Variants in DCC observed in about 807,000 individuals in gnomAD.
DCC encodes the protein DCC netrin 1 receptor, also known as netrin receptor DCC.
DCC carries 58 observed loss-of-function variants against 172.5 expected under a neutral mutation model. That is an observed-to-expected ratio of 0.34 (90% CI 0.27 to 0.42). The LOEUF is 0.42. DCC is among the 10% of genes least tolerant of loss of function. DCC has a pLI of 1.00. For missense variants in DCC, 1,740 were observed against 1,791.0 expected (o/e 0.97, Z 0.51); for synonymous variants, 709 against 644.5 (o/e 1.10, Z -1.52).
chr18:53,005,452 C>T (rs1259024476), intron 5 of DCC, among the ~76,000 whole-genome samples: 3 of 152,114 alleles, frequency 2.0e-5, no homozygotes, highest in African/African-American at 4.8e-5. Flanking sequence ...AGAATCTTGT[C>T]GCTGAGCATG....
chr18:52,942,606 GAGAA>G (rs1339689142), intron 5 of DCC, among the ~76,000 whole-genome samples: 6 of 152,208 alleles, frequency 3.9e-5, no homozygotes, highest in African/African-American at 1.4e-4. Flanking sequence ...AGTGGCAAAA[GAGAA>G]AGAGAGATGC....
chr18:53,074,611 G>A (rs574389101), intron 7 of DCC, among the ~76,000 whole-genome samples: 2 of 152,162 alleles, frequency 1.3e-5, no homozygotes, highest in East Asian at 3.9e-4. Flanking sequence ...GAATAGTAAT[G>A]TATTTTTTTT....
chr18:52,817,883 AAG>A (rs1293281909), intron 2 of DCC, among the ~76,000 whole-genome samples: 1 of 152,178 alleles, frequency 6.6e-6, no homozygotes, highest in African/African-American at 2.4e-5. Context: ...GGAGACCAAA[AAG>A]AGAATGAGGG....
intron 5 of DCC, among the ~76,000 whole-genome samples, chr18:52,974,541 G>A (rs2041083624): frequency 6.6e-6 from 1 of 152,184 alleles, no homozygotes; most frequent in African/African-American, 2.4e-5. Flanking sequence ...TAAAAAAAGA[G>A]TGATTATTTT....
At chr18:53,217,621 A>G (rs2055874231) in intron 12 of DCC, among the ~76,000 whole-genome samples, 1 of 152,096 alleles carries the variant, frequency 6.6e-6, no homozygotes, top group Non-Finnish European at 1.5e-5. Flanking sequence ...GATGATCAAA[A>G]CACCACTTTT....
intron 3 of DCC, among the ~76,000 whole-genome samples, chr18:52,918,363 G>A (rs958376389): frequency 6.6e-6 from 1 of 152,074 alleles, no homozygotes; most frequent in Non-Finnish European, 1.5e-5. Flanking sequence ...AATCAATTTA[G>A]TCAACAAGAC....
chr18:53,174,739 C>A (rs1382388040), intron 8 of DCC, among the ~76,000 whole-genome samples: 1 of 147,016 alleles, frequency 6.8e-6, no homozygotes, highest in Non-Finnish European at 1.5e-5. Flanking sequence ...CCGAATTCTA[C>A]CAGAGGTACA....
intron 12 of DCC, among the ~76,000 whole-genome samples, chr18:53,290,462 G>C (rs1052100757): frequency 6.6e-6 from 1 of 152,084 alleles, no homozygotes; most frequent in Non-Finnish European, 1.5e-5. Flanking sequence ...ACTGTACATT[G>C]TAACAAATGA....
intron 13 of DCC, among the ~76,000 whole-genome samples, chr18:53,307,696 A>G (rs975585912): frequency 6.6e-6 from 1 of 151,678 alleles, no homozygotes; most frequent in African/African-American, 2.4e-5. Flanking sequence ...TAAAGATGAT[A>G]AAATGTTCAA....
At chr18:52,782,517 T>A (rs2037565722) in intron 2 of DCC, among the ~76,000 whole-genome samples, 1 of 151,468 alleles carries the variant, frequency 6.6e-6, no homozygotes, top group Non-Finnish European at 1.5e-5. Flanking sequence ...GTCCCAAATT[T>A]ATTCCTAAAC....
chr18:52,964,472 T>A (rs2040896143), intron 5 of DCC, among the ~76,000 whole-genome samples: 1 of 152,170 alleles, frequency 6.6e-6, no homozygotes, highest in Middle Eastern at 3.4e-3. Flanking sequence ...TTAATCTCAA[T>A]TTTTTTTAAA....
chr18:53,239,933 A>G (rs1254933863), intron 12 of DCC, among the ~76,000 whole-genome samples: 1 of 151,738 alleles, frequency 6.6e-6, no homozygotes, highest in Non-Finnish European at 1.5e-5. Flanking sequence ...ACAAGGGCAG[A>G]GCAACGAAGG....
intron 1 of DCC, among the ~76,000 whole-genome samples, chr18:52,522,447 A>C (rs984688944): frequency 6.6e-6 from 1 of 152,160 alleles, no homozygotes; most frequent in Non-Finnish European, 1.5e-5. Context: ...AGAACTAACA[A>C]CACTCTCCCG....
chr18:52,403,112 A>G (rs1464265934), intron 1 of DCC, among the ~76,000 whole-genome samples: 1 of 152,024 alleles, frequency 6.6e-6, no homozygotes, highest in Non-Finnish European at 1.5e-5. Context: ...AAAGCATTTG[A>G]CTATTTGTTT....
At chr18:53,000,585 CT>C (rs71175543) in intron 5 of DCC, among the ~76,000 whole-genome samples, 8,283 of 98,846 alleles carry the variant, frequency 0.084, 513 homozygotes, top group East Asian at 0.25. Context: ...AGCTTACATT[CT>C]TTTTTTTTTT....
chr18:52,880,910 AT>A (rs2145404092), intron 2 of DCC, among the ~76,000 whole-genome samples: 1 of 152,104 alleles, frequency 6.6e-6, no homozygotes, highest in Admixed American at 6.5e-5. Context: ...TGATAGTTCT[AT>A]TTTTAGTTTT....
rs1367123809 is a variant in DCC at position 52,700,192 on chromosome 18, A to G, written c.92-51862A>G. ...CGCACACACACATGCACACGCACAC[A>G]CACGCACATACACACATGCACATGT... On this transcript the variant is annotated intron_variant, in intron 1 of 28. Transcript: ENST00000442544. 2.0e-5 allele frequency among the ~76,000 whole-genome samples: 3 copies of G among 147,358 alleles called. No homozygotes were observed. The East Asian group carries it at 6.1e-4, about 30-fold the overall frequency.
At chr18:52,673,872 C>T (rs1413254443) in intron 1 of DCC, among the ~76,000 whole-genome samples, 3 of 152,144 alleles carry the variant, frequency 2.0e-5, no homozygotes, top group Non-Finnish European at 2.9e-5. Flanking sequence ...GGTAGTGCCT[C>T]CACTAGGTGC....
chr18:53,268,512 T>C (rs765371183), intron 12 of DCC, among the ~76,000 whole-genome samples: 2 of 152,208 alleles, frequency 1.3e-5, no homozygotes, highest in Non-Finnish European at 1.5e-5. Context: ...ACATATTCAA[T>C]AAGCTTCTCT....
Sources: gnomAD v4.1 joint callset for allele counts (sites outside exome capture counted in the v4.1 genomes callset) on GRCh38, gnomAD v4.1.1 for gene constraint, MANE v1.5 for transcripts, NCBI Gene and HGNC (gene_info 2026-07-23, HGNC 2026-07-21) for gene names.